Variants in CGREF1 observed in about 807,000 individuals in gnomAD.
CGREF1 encodes the protein cell growth regulator with EF hand domain protein 1.
In CGREF1, 16 loss-of-function variants were observed where a neutral mutation model predicts 17.4. That is an observed-to-expected ratio of 0.92 (90% CI 0.62 to 1.40). CGREF1 has a LOEUF of 1.40. Among genes scored for constraint, CGREF1 ranks in the 40% most tolerant of loss-of-function variants. CGREF1 has a pLI of 0.00. For missense variants in CGREF1, 296 were observed against 376.4 expected (o/e 0.79, Z 1.77); for synonymous variants, 142 against 154.6 (o/e 0.92, Z 0.61).
At chr2:27,107,472 C>G (rs1435675294) in intron 1 of CGREF1, among the ~76,000 whole-genome samples, 1 of 151,518 alleles carries the variant, frequency 6.6e-6, no homozygotes, top group Admixed American at 6.6e-5. Flanking sequence ...TCAGGCTGGT[C>G]TCAAACTCCT....
At chr2:27,114,185 G>T (rs1671493564) in intron 1 of CGREF1, among the ~76,000 whole-genome samples, 2 of 151,646 alleles carry the variant, frequency 1.3e-5, no homozygotes, top group Admixed American at 1.3e-4. Flanking sequence ...AGTAGAGACG[G>T]GGTTTCACCA....
intron 1 of CGREF1, among the ~76,000 whole-genome samples, chr2:27,109,316 G>C (rs921032446): frequency 1.3e-5 from 2 of 150,122 alleles, no homozygotes; most frequent in African/African-American, 4.9e-5. Context: ...AGGAGGCAGT[G>C]AGCTCTGATC....
At chr2:27,107,285 C>A (rs1671158219) in intron 1 of CGREF1, among the ~76,000 whole-genome samples, 1 of 120,926 alleles carries the variant, frequency 8.3e-6, no homozygotes, top group South Asian at 2.7e-4. Context: ...GAGAGGGTCT[C>A]GCTCTGTTGC....
rs112274532 is a variant in CGREF1 at position 27,108,027 on chromosome 2, A to G, written c.-11-3650T>C. Among the ~76,000 whole-genome samples the G allele has an allele frequency of 6.8e-3, 1,032 of 151,708 alleles. 7 individuals are homozygous for G. The highest frequency in any genetic ancestry group is 0.01 in the Middle Eastern group (3 of 288). ...GAAACAAACATAACTTTTAGAAATA[A>G]AAGATTGATTTTAAAAATGCAATGG... On this transcript the variant is annotated intron_variant, in intron 1 of 5. Coordinates refer to ENST00000402394, the MANE Select transcript of CGREF1 (RefSeq NM_006569.6).
chr2:27,116,952 A>T (rs1467333101), intron 1 of CGREF1, among the ~76,000 whole-genome samples: 2 of 107,266 alleles, frequency 1.9e-5, no homozygotes, highest in Non-Finnish European at 1.9e-5. Flanking sequence ...TCGCTCTGTC[A>T]CCCAGGCTGG....
chr2:27,103,500 G>A (rs1670992802), intron 2 of CGREF1, among the ~76,000 whole-genome samples: 1 of 151,986 alleles, frequency 6.6e-6, no homozygotes, highest in Non-Finnish European at 1.5e-5. Flanking sequence ...AGCCTCCTGA[G>A]TAGCTGGGAT....
In CGREF1 at chr2:27,102,388, C is replaced by T. The variant is rs546668139; in HGVS notation, c.189G>A (p.Val63=). 1 of 1,614,196 alleles carries T rather than the reference C, an allele frequency of 6.2e-7. No homozygotes were observed. Among genetic ancestry groups the T allele is most frequent in the East Asian group, 2.2e-5 (1 of 44,888 alleles). The change falls in exon 4 of 6, where the codon GTG becomes GTA. Residue 63 remains valine (V), a synonymous_variant. Transcript: ENST00000402394. ...GCTCCCGGCTCAGATGCTCCAGTTG[C>T]ACTTCTGTCCTTCCTAGTCCCTTTA... ...SYLKGLGRTE[V]QLEHLSREQV...
In CGREF1 at chr2:27,101,383, C is replaced by T; in HGVS notation, c.848G>A (p.Arg283Lys). 6.2e-7 allele frequency: 1 copy of T among 1,613,664 alleles called. No individual in the cohort carries two copies. Among genetic ancestry groups the T allele is most frequent in the South Asian group, 1.1e-5 (1 of 91,030 alleles). The change falls in exon 6 of 6, where the codon AGG (arginine) becomes AAG (lysine). Residue 283 changes from arginine to lysine, a missense_variant. Transcript: ENST00000402394. ...TTCCTTGGCCTCCTCTCCATTCTCC[C>T]TGGCCTCTGCCTGGCCCCCAGCTTC... Reference protein sequence around the residue: ...RGEAGGQAEARENGEEAKELP... With the variant: ...RGEAGGQAEAKENGEEAKELP...
chr2:27,110,679 T>C (rs986619180), intron 1 of CGREF1: 1 of 156,640 alleles, frequency 6.4e-6, no homozygotes, highest in African/African-American at 2.4e-5. Flanking sequence ...ACACCTGTAA[T>C]CCCAGTGTGT....
At chr2:27,104,839 CTG>C in intron 1 of CGREF1, 11 of 1,424,990 alleles carry the variant, frequency 7.7e-6, no homozygotes, top group Non-Finnish European at 1.0e-5. Context: ...GAGAAATGGA[CTG>C]TTTGTGTTTA....
chr2:27,116,906 TC>T lies in CGREF1; in HGVS notation c.-12+1939del, dbSNP rs1558466916. ...CTCTCTCTCTCTCTCTCTCTCTCTC[TC>T]TCTCTCTCTCTCTCTCTTTTTTTGA... On this transcript the variant is annotated intron_variant, in intron 1 of 5. Coordinates refer to ENST00000402394, the MANE Select transcript of CGREF1 (RefSeq NM_006569.6). 9.2e-3 allele frequency among the ~76,000 whole-genome samples: 1,214 copies of T among 132,402 alleles called. 27 individuals carry two copies. The highest frequency in any genetic ancestry group is 0.014 in the African/African-American group (478 of 34,366). 86.9% of individuals were successfully genotyped at this position (132,402 alleles called of 152,430 possible).
At chr2:27,111,052 A>T (rs1671355335) in intron 1 of CGREF1, 1 of 152,440 alleles carries the variant, frequency 6.6e-6, no homozygotes, top group Non-Finnish European at 1.5e-5. Context: ...TATTGCAAAG[A>T]GCGAAAGAAC....
At position 27,101,251 on chromosome 2, in the gene CGREF1, TG is replaced by T; in HGVS notation, c.*22del. 6.6e-7 allele frequency: 1 copy of T among 1,526,206 alleles called. No homozygotes were observed. Among genetic ancestry groups the T allele is most frequent in the Non-Finnish European group, 8.8e-7 (1 of 1,136,942 alleles). 94.5% of individuals were successfully genotyped at this position (1,526,206 alleles called of 1,614,324 possible). Reference sequence around the variant, plus strand: ...CTTATGTTCTGGCACTGAGACTTCGTGGGGTACCTGTATCTTCAAGATCTAG... The same window carrying T: ...CTTATGTTCTGGCACTGAGACTTCGTGGGTACCTGTATCTTCAAGATCTAG... On this transcript the variant is annotated 3_prime_UTR_variant, in exon 6 of 6. Coordinates refer to ENST00000402394, the MANE Select transcript of CGREF1 (RefSeq NM_006569.6).
chr2:27,114,948 T>C (rs1671520326), intron 1 of CGREF1, among the ~76,000 whole-genome samples: 4 of 152,188 alleles, frequency 2.6e-5, no homozygotes, highest in Admixed American at 2.6e-4. Context: ...TTGCCCAGGC[T>C]GATTGGAAAC....
Position 27,119,114 on chromosome 2 carries a change from A to T in CGREF1, c.-280T>A, listed in dbSNP as rs1433495910. On this transcript the variant is annotated 5_prime_UTR_variant, in exon 1 of 6. Coordinates refer to ENST00000402394, the MANE Select transcript of CGREF1 (RefSeq NM_006569.6). This position sits in a 1 kb window ranked among gnomAD's most constrained non-coding sequence, Gnocchi z 5.6. Reference sequence around the variant, plus strand: ...CGGAGGGGCTGCGCGCGCCCGTGTGAGTGTGCGCGTGTGTGCGTGCGTGAG... The same window carrying T: ...CGGAGGGGCTGCGCGCGCCCGTGTGTGTGTGCGCGTGTGTGCGTGCGTGAG... The T allele has an allele frequency of 1.3e-5, 2 of 152,126 alleles. No homozygotes were observed. The highest frequency in any genetic ancestry group is 2.9e-5 in the Non-Finnish European group (2 of 67,992). 9.4% of individuals were successfully genotyped at this position (152,126 alleles called of 1,614,324 possible). A position where few individuals can be genotyped will look rare whatever the true frequency, so the allele number is the denominator to read the frequency against.
chr2:27,102,877 C>T (rs1159427244), intron 2 of CGREF1: 6 of 959,006 alleles, frequency 6.3e-6, no homozygotes, highest in Non-Finnish European at 7.4e-6. Flanking sequence ...CTAGTAGACA[C>T]AAGTTAGAGA....
intron 2 of CGREF1, 51 bp downstream of exon 2, chr2:27,104,236 A>G: frequency 1.3e-6 from 2 of 1,511,088 alleles, no homozygotes; most frequent in Middle Eastern, 1.9e-4. Context: ...TGGATTCTCT[A>G]GAGACTTTCC....
Position 27,102,109 on chromosome 2 carries a change from A to G in CGREF1, c.330T>C (p.Pro110=), listed in dbSNP as rs746850731. 19 of 1,606,588 alleles carry G rather than the reference A, an allele frequency of 1.2e-5. No homozygotes were observed. The African/African-American group carries it at 2.3e-4, about 19-fold the overall frequency. ...CAGCAGAGCTTACCGGGTTGGTGGT[A>G]GGAGAGTTGGCAGCTCCAGGGGCCA... ...AALAPGAANS[P]TTNPVILIVD... The change falls in exon 5 of 6, where the codon CCT becomes CCC. Residue 110 remains proline (P), a synonymous_variant. Coordinates refer to ENST00000402394, the MANE Select transcript of CGREF1 (RefSeq NM_006569.6).
At chr2:27,107,209 TGGAA>T (rs1671153836) in intron 1 of CGREF1, among the ~76,000 whole-genome samples, 1 of 152,202 alleles carries the variant, frequency 6.6e-6, no homozygotes, top group Non-Finnish European at 1.5e-5. Flanking sequence ...AAAGCTGTGT[TGGAA>T]TTGTTACACA....
Sources: allele counts gnomAD v4.1 joint callset (sites outside exome capture counted in the v4.1 genomes callset), GRCh38; gene constraint gnomAD v4.1.1; non-coding constraint Gnocchi (gnomAD v3.1); transcripts MANE v1.5; gene names NCBI Gene and HGNC (gene_info 2026-07-23, HGNC 2026-07-21).